OLFML1: variants seen among roughly 807,000 people sequenced by gnomAD.
OLFML1 encodes olfactomedin like 1, also known as olfactomedin-like protein 1.
Under a neutral mutation model 37.3 loss-of-function variants are expected in OLFML1, and 33 were observed. The observed-to-expected ratio is 0.88, with a 90% CI of 0.67 to 1.18. OLFML1 has a LOEUF of 1.18. Among genes scored for constraint, OLFML1 ranks in the 50% most tolerant of loss-of-function variants. The probability of loss-of-function intolerance (pLI) is 0.00; values close to 1 mark genes in which losing one functional copy is unlikely to be tolerated. For missense variants in OLFML1, 545 were observed against 483.7 expected (o/e 1.13, Z -1.19); for synonymous variants, 186 against 181.3 (o/e 1.03, Z -0.21).
At chr11:7,488,451 G>A (rs12803770) in intron 2 of OLFML1, 36 bp downstream of exon 2, 270,386 of 1,535,700 alleles carry the variant, frequency 0.18, 24,155 homozygotes, top group Admixed American at 0.24. Context: ...CCCTTCTAGG[G>A]ACTATTATGC....
chr11:7,487,416 A>G (rs77846782), intron 1 of OLFML1, among the ~76,000 whole-genome samples: 7,158 of 152,284 alleles, frequency 0.047, 248 homozygotes, highest in Non-Finnish European at 0.076. Context: ...TGTTGTTTGG[A>G]GCATACATTT....
At chr11:7,502,761 A>T (rs1848738718) in intron 2 of OLFML1, among the ~76,000 whole-genome samples, 1 of 152,022 alleles carries the variant, frequency 6.6e-6, no homozygotes, top group Non-Finnish European at 1.5e-5. Context: ...ATGCACCACC[A>T]TGCCTGGCTA....
chr11:7,486,417 T>C (rs1848524230), intron 1 of OLFML1, among the ~76,000 whole-genome samples: 1 of 152,242 alleles, frequency 6.6e-6, no homozygotes, highest in East Asian at 1.9e-4. Context: ...CTTCATGTTT[T>C]AGTGTTTCAG....
chr11:7,486,805 T>G (rs1204297525), intron 1 of OLFML1, among the ~76,000 whole-genome samples: 1 of 152,244 alleles, frequency 6.6e-6, no homozygotes, highest in Admixed American at 6.5e-5. Flanking sequence ...TTTATACATT[T>G]TCCTGAAAAA....
intron 2 of OLFML1, among the ~76,000 whole-genome samples, chr11:7,507,063 A>C (rs966530620): frequency 6.6e-6 from 1 of 152,180 alleles, no homozygotes; most frequent in Non-Finnish European, 1.5e-5. Context: ...CATATAGGGT[A>C]GTGTCCTGGA....
intron 2 of OLFML1, among the ~76,000 whole-genome samples, chr11:7,508,482 A>G (rs1303107637): frequency 6.6e-6 from 1 of 152,216 alleles, no homozygotes; most frequent in Non-Finnish European, 1.5e-5. Context: ...CAAATCAAAT[A>G]CAGATTCTTC....
At chr11:7,498,453 T>C (rs186550891) in intron 2 of OLFML1, among the ~76,000 whole-genome samples, 6 of 152,312 alleles carry the variant, frequency 3.9e-5, no homozygotes, top group Non-Finnish European at 7.4e-5. Context: ...TGCTGAGATA[T>C]CGGAAACTTA....
At chr11:7,504,306 C>T (rs889743587) in intron 2 of OLFML1, among the ~76,000 whole-genome samples, 2 of 151,930 alleles carry the variant, frequency 1.3e-5, no homozygotes, top group African/African-American at 4.8e-5. Context: ...ACAAAACGAA[C>T]AAGGTGGAGA....
Position 7,488,168 on chromosome 11 carries a change from T to G in OLFML1, c.171T>G (p.Ile57Met). 3.1e-6 allele frequency: 5 copies of G among 1,613,482 alleles called. No homozygotes were observed. Among genetic ancestry groups the G allele is most frequent in the Non-Finnish European group, 4.2e-6 (5 of 1,179,626 alleles). The change falls in exon 2 of 3, where the codon ATT becomes ATG. Residue 57 changes from isoleucine to methionine, a missense_variant. Coordinates refer to ENST00000329293, the MANE Select transcript of OLFML1 (RefSeq NM_198474.4). ...EKCTQATRAY[I>M]QEFQEFSKNI... ...GTACCCAAGCAACGAGGGCATACAT[T>G]CAAGAATTCCAAGAGTTCTCAAAAA...
At chr11:7,489,416 T>C (rs1039002850) in intron 2 of OLFML1, among the ~76,000 whole-genome samples, 1 of 151,978 alleles carries the variant, frequency 6.6e-6, no homozygotes, top group African/African-American at 2.4e-5. Flanking sequence ...CCCGCAAATA[T>C]GGCTGAGTGA....
rs1848850914 is a variant in OLFML1 at position 7,510,785 on chromosome 11, T to C, written c.*597T>C. ...TCCTAAGTACCTGGGATTACAGGCA[T>C]GTGCCACCACACCTGGCTTAAAATA... On this transcript the variant is annotated 3_prime_UTR_variant, in exon 3 of 3. Coordinates refer to ENST00000329293, the MANE Select transcript of OLFML1 (RefSeq NM_198474.4). 2.0e-5 allele frequency: 3 copies of C among 152,344 alleles called. No homozygotes were observed. The highest frequency in any genetic ancestry group is 2.9e-5 in the Non-Finnish European group (2 of 68,154). The allele number at this position is 152,344 out of a possible 1,614,324, so 9.4% of individuals were successfully genotyped here.
rs2134191421 is a variant in OLFML1, at chr11:7,511,016, A to T, written c.*828A>T. 2 of 152,372 alleles carry T rather than the reference A, an allele frequency of 1.3e-5. 1 individual carries two copies. The highest frequency in any genetic ancestry group is 6.8e-3 in the Middle Eastern group (2 of 294). 9.4% of individuals were successfully genotyped at this position (152,372 alleles called of 1,614,324 possible). On this transcript the variant is annotated 3_prime_UTR_variant, in exon 3 of 3. Coordinates refer to ENST00000329293, the MANE Select transcript of OLFML1 (RefSeq NM_198474.4). The stretch of plus-strand genomic sequence containing the variant: ...TCATTCTAGAGTTTAGGTGAGTAAC[A>T]CAATTACAAAGTGAAAGATACAGCT...
At chr11:7,506,677 C>A (rs1240047335) in intron 2 of OLFML1, among the ~76,000 whole-genome samples, 1 of 152,174 alleles carries the variant, frequency 6.6e-6, no homozygotes, top group African/African-American at 2.4e-5. Context: ...ACACTCAACT[C>A]CGGGACAAGG....
intron 2 of OLFML1, among the ~76,000 whole-genome samples, chr11:7,501,364 A>T (rs1848723905): frequency 6.6e-6 from 1 of 152,192 alleles, no homozygotes; most frequent in Admixed American, 6.5e-5. Context: ...CACATTCCCC[A>T]GGGCTTTCGC....
intron 2 of OLFML1, among the ~76,000 whole-genome samples, chr11:7,497,011 T>C (rs763323170): frequency 7.2e-5 from 11 of 152,154 alleles, no homozygotes; most frequent in Admixed American, 2.0e-4. Context: ...GCCTGGGTGA[T>C]AGAGAAAGAC....
At chr11:7,495,457 C>T (rs547781134) in intron 2 of OLFML1, among the ~76,000 whole-genome samples, 87 of 152,110 alleles carry the variant, frequency 5.7e-4, no homozygotes, top group South Asian at 5.2e-3. Flanking sequence ...ATATGGTATC[C>T]GCTATATGTG....
At chr11:7,500,280 T>C in intron 2 of OLFML1, among the ~76,000 whole-genome samples, 1 of 152,250 alleles carries the variant, frequency 6.6e-6, no homozygotes. Context: ...GTAGCTGGGC[T>C]GCAAGCCTGC....
intron 2 of OLFML1, among the ~76,000 whole-genome samples, chr11:7,508,148 G>A (rs1248140880): frequency 6.6e-6 from 1 of 152,182 alleles, no homozygotes; most frequent in Non-Finnish European, 1.5e-5. Flanking sequence ...CATCATAAAG[G>A]TCTTCATCCG....
At chr11:7,499,891 G>A (rs925254208) in intron 2 of OLFML1, among the ~76,000 whole-genome samples, 1 of 152,058 alleles carries the variant, frequency 6.6e-6, no homozygotes, top group Non-Finnish European at 1.5e-5. Context: ...GTTTTGCTTT[G>A]TTGTTGTTGT....
Sources: allele counts gnomAD v4.1 joint callset (sites outside exome capture counted in the v4.1 genomes callset), GRCh38; gene constraint gnomAD v4.1.1; transcripts MANE v1.5; gene names NCBI Gene and HGNC (gene_info 2026-07-23, HGNC 2026-07-21).